Variants in ZHX2 observed in about 807,000 individuals in gnomAD.
ZHX2 encodes zinc fingers and homeoboxes 2.
A neutral mutation model predicts 21.9 loss-of-function variants in ZHX2; 6 were observed. The observed-to-expected ratio is 0.27, with a 90% CI of 0.15 to 0.54. The LOEUF (loss-of-function observed/expected upper bound fraction) is 0.54, where lower values mean the gene tolerates loss of function less well. Ranked by LOEUF, ZHX2 falls within the 20% of genes least tolerant of loss-of-function variation. The pLI, the probability that ZHX2 is intolerant of heterozygous loss-of-function variation, is 0.95. For missense variants in ZHX2, 908 were observed against 1,090.7 expected, an observed-to-expected ratio of 0.83 and a Z score of 2.36; for synonymous variants, 434 against 437.1, an observed-to-expected ratio of 0.99 and a Z score of 0.09.
chr8:122,791,586 C>T (rs780290429), intron 1 of ZHX2, among the ~76,000 whole-genome samples: 1 of 152,064 alleles, frequency 6.6e-6, no homozygotes, highest in African/African-American at 2.4e-5. Context: ...GTATAGGGGC[C>T]GGGTGCGGTG....
intron 2 of ZHX2, among the ~76,000 whole-genome samples, chr8:122,936,677 G>A (rs543710720): frequency 6.6e-6 from 1 of 152,328 alleles, no homozygotes; most frequent in Non-Finnish European, 1.5e-5. Context: ...AAAAATCTGT[G>A]AGTCTGTTGG....
chr8:122,913,021 T>C (rs1820517988), intron 2 of ZHX2, among the ~76,000 whole-genome samples: 1 of 152,214 alleles, frequency 6.6e-6, no homozygotes, highest in African/African-American at 2.4e-5. Flanking sequence ...CCATTGGCAG[T>C]TACTAGTTTG....
In ZHX2 at chr8:122,932,145, C is replaced by A. The variant is rs73335705; in HGVS notation, c.-219-19147C>A. On this transcript the variant is annotated intron_variant, in intron 2 of 3. Coordinates refer to ENST00000314393, the MANE Select transcript of ZHX2 (RefSeq NM_014943.5). The stretch of plus-strand genomic sequence containing the variant: ...CTCACTGCCCATTCCCAAGAAAGAG[C>A]AGCTCAGCTTCTCCAGGGCTGCTGG... 5.6e-3 allele frequency among the ~76,000 whole-genome samples: 847 copies of A among 152,304 alleles called. 8 individuals carry two copies. Among genetic ancestry groups the A allele is most frequent in the African/African-American group, 0.02 (813 of 41,556 alleles).
intron 2 of ZHX2, among the ~76,000 whole-genome samples, chr8:122,909,173 G>A (rs1820416715): frequency 6.6e-6 from 1 of 152,218 alleles, no homozygotes; most frequent in Admixed American, 6.5e-5. Context: ...GCTCATGCCT[G>A]TAATCCCAGC....
At chr8:122,972,099 G>A (rs1813739529) in intron 3 of ZHX2, among the ~76,000 whole-genome samples, 1 of 152,098 alleles carries the variant, frequency 6.6e-6, no homozygotes, top group Non-Finnish European at 1.5e-5. Flanking sequence ...TCTTCCCTGT[G>A]TGTGAGTCTT....
intron 2 of ZHX2, among the ~76,000 whole-genome samples, chr8:122,908,345 G>A (rs35199108): frequency 0.1 from 15,747 of 152,148 alleles, 1,016 homozygotes; most frequent in South Asian, 0.19. Flanking sequence ...GATTACAGGC[G>A]TGTGCCACCA....
chr8:122,955,839 A>ATTTTT (rs540333833), intron 3 of ZHX2, among the ~76,000 whole-genome samples: 11 of 104,900 alleles, frequency 1.0e-4, no homozygotes, highest in African/African-American at 4.2e-4. Context: ...TGAGGGAGTG[A>ATTTTT]TTTTTTTTTT....
chr8:122,901,219 A>C (rs762447548), intron 2 of ZHX2, among the ~76,000 whole-genome samples: 1 of 152,122 alleles, frequency 6.6e-6, no homozygotes, highest in Non-Finnish European at 1.5e-5. Flanking sequence ...GAATGTGAGA[A>C]TTTTTAGTTA....
intron 2 of ZHX2, among the ~76,000 whole-genome samples, chr8:122,889,996 G>A (rs1033975994): frequency 3.9e-5 from 6 of 152,116 alleles, no homozygotes; most frequent in African/African-American, 1.2e-4. Context: ...TGCTTTTGAT[G>A]TCTGTGCTTT....
At chr8:122,824,143 C>T (rs774368388) in intron 1 of ZHX2, among the ~76,000 whole-genome samples, 2 of 152,182 alleles carry the variant, frequency 1.3e-5, no homozygotes, top group Non-Finnish European at 2.9e-5. Context: ...TCAAAGCTGA[C>T]CCTGGGAGGC....
chr8:122,898,008 A>G (rs941728015), intron 2 of ZHX2, among the ~76,000 whole-genome samples: 8 of 152,382 alleles, frequency 5.2e-5, no homozygotes, highest in Middle Eastern at 3.4e-3. Flanking sequence ...GAAACACTTC[A>G]GGACATTAAA....
intron 2 of ZHX2, among the ~76,000 whole-genome samples, chr8:122,881,135 G>A (rs1356614845): frequency 7.5e-6 from 1 of 132,900 alleles, no homozygotes; most frequent in Non-Finnish European, 1.5e-5. Flanking sequence ...TGTGAGCGTG[G>A]CTGCAGGATC....
At chr8:122,910,466 G>A (rs543509646) in intron 2 of ZHX2, among the ~76,000 whole-genome samples, 5 of 152,322 alleles carry the variant, frequency 3.3e-5, no homozygotes, top group African/African-American at 9.6e-5. Context: ...ATGTATCCGT[G>A]AGTTGTGAAA....
At chr8:122,955,646 A>G (rs1016475603) in intron 3 of ZHX2, among the ~76,000 whole-genome samples, 3 of 152,026 alleles carry the variant, frequency 2.0e-5, no homozygotes, top group African/African-American at 7.2e-5. Context: ...CACTTGCAGG[A>G]GGAAATGCCT....
chr8:122,890,316 T>C (rs541863205), intron 2 of ZHX2, among the ~76,000 whole-genome samples: 34 of 152,338 alleles, frequency 2.2e-4, no homozygotes, highest in African/African-American at 8.2e-4. Context: ...CATTGGTCTA[T>C]ATGTCTTTTA....
At chr8:122,963,471 A>T (rs936069096) in intron 3 of ZHX2, among the ~76,000 whole-genome samples, 6 of 152,086 alleles carry the variant, frequency 3.9e-5, no homozygotes, top group Non-Finnish European at 5.9e-5. Flanking sequence ...ATCCTGTTCC[A>T]TTGGTCTATG....
At chr8:122,830,818 G>T (rs188219903) in intron 1 of ZHX2, among the ~76,000 whole-genome samples, 2 of 152,294 alleles carry the variant, frequency 1.3e-5, no homozygotes, top group East Asian at 3.9e-4. Flanking sequence ...GATTTTAAAG[G>T]GACTATAAAA....
intron 1 of ZHX2, among the ~76,000 whole-genome samples, chr8:122,794,186 G>A (rs1057484779): frequency 6.6e-6 from 1 of 152,122 alleles, no homozygotes; most frequent in Non-Finnish European, 1.5e-5. Flanking sequence ...GAGAGTCTGG[G>A]TGTGTTGAAA....
At position 122,818,808 on chromosome 8, in the gene ZHX2, C is replaced by G. The variant is rs534916276; in HGVS notation, c.-283+36862C>G. ...GCTGCTGCTTTTCCCTGCTGAAGTG[C>G]CAGTCCCATATTTGTCACAGGCAAA... On this transcript the variant is annotated intron_variant, in intron 1 of 3. Transcript: ENST00000314393. Among the ~76,000 whole-genome samples, 5 of 152,304 alleles carry G rather than the reference C, an allele frequency of 3.3e-5. No homozygotes were observed. The South Asian group carries it at 1.0e-3, about 32-fold the overall frequency.
Sources: allele counts gnomAD v4.1 joint callset (sites outside exome capture counted in the v4.1 genomes callset), GRCh38; gene constraint gnomAD v4.1.1; transcripts MANE v1.5; gene names NCBI Gene and HGNC (gene_info 2026-07-23, HGNC 2026-07-21).